Variants in PRIMPOL observed in about 807,000 individuals in gnomAD.
The protein encoded by PRIMPOL is DNA-directed primase/polymerase protein.
A neutral mutation model predicts 63.6 loss-of-function variants in PRIMPOL; 54 were observed. The observed-to-expected ratio is 0.85, with a 90% confidence interval of 0.68 to 1.07. PRIMPOL has a LOEUF of 1.07. Among genes scored for constraint, PRIMPOL ranks in the 50% least tolerant of loss-of-function variants. The probability of loss-of-function intolerance (pLI) is 0.00; values close to 1 mark genes in which losing one functional copy is unlikely to be tolerated. For missense variants in PRIMPOL, 610 were observed against 648.3 expected, an observed-to-expected ratio of 0.94 and a Z score of 0.64; for synonymous variants, 197 against 220.2, an observed-to-expected ratio of 0.89 and a Z score of 0.93.
At chr4:184,675,775 C>T (rs960216569) in intron 7 of PRIMPOL, among the ~76,000 whole-genome samples, 1 of 152,012 alleles carries the variant, frequency 6.6e-6, no homozygotes, top group Admixed American at 6.5e-5. Flanking sequence ...CGAGATCATA[C>T]CACTGCACTC....
chr4:184,672,440 A>G lies in PRIMPOL; in HGVS notation c.824A>G (p.Lys275Arg). ...GTTGTGAAGAATAACATGGGAGAGA[A>G]GCATCTTTTTGTAGATCTCGGTAAG... ...FLVVKNNMGEKHLFVDLGVYT... is the reference protein window; with the variant it reads ...FLVVKNNMGERHLFVDLGVYT... The change falls in exon 7 of 14, where the codon AAG becomes AGG. Residue 275 changes from lysine to arginine, a missense_variant. By Grantham distance (26) the Lys-to-Arg change is conservative (BLOSUM62 2). Around this residue, in one of 3 missense-constraint regions of PRIMPOL, gnomAD observed 444 missense variants for 456.4 expected, o/e 0.97. Transcript: ENST00000314970. The G allele has an allele frequency of 6.2e-7, 1 of 1,609,446 alleles. No individual in the cohort carries two copies. Among genetic ancestry groups the G allele is most frequent in the Non-Finnish European group, 8.5e-7 (1 of 1,178,370 alleles).
At chr4:184,672,772 AG>A in intron 7 of PRIMPOL, among the ~76,000 whole-genome samples, 1 of 152,216 alleles carries the variant, frequency 6.6e-6, no homozygotes, top group South Asian at 2.1e-4. Flanking sequence ...GACTGCTGAG[AG>A]GTTAAGTCAG....
At chr4:184,682,467 C>T (rs1755889084) in intron 9 of PRIMPOL, 131 bp downstream of exon 9, 1 of 542,472 alleles carries the variant, frequency 1.8e-6, no homozygotes, top group East Asian at 3.1e-5. Context: ...CCTGCCTCAG[C>T]CTCCGGAGTA....
intron 11 of PRIMPOL, 24 bp from the exon 12 acceptor site, chr4:184,691,473 CTT>C (rs35926668): frequency 0.11 from 124,084 of 1,138,666 alleles, 1 homozygote; most frequent in Middle Eastern, 0.12. Context: ...GGTATTAATA[CTT>C]TTTTTTTTTT....
intron 7 of PRIMPOL, among the ~76,000 whole-genome samples, chr4:184,677,488 TC>T (rs1239773360): frequency 1.3e-5 from 2 of 151,256 alleles, no homozygotes; most frequent in Admixed American, 6.6e-5. Context: ...GTTCTATTGA[TC>T]TATTCCTGTC....
In PRIMPOL at chr4:184,687,955, G is replaced by A. The variant is rs1264671798; in HGVS notation, c.1295+2271G>A. On this transcript the variant is annotated intron_variant, in intron 11 of 13. Coordinates refer to ENST00000314970, the MANE Select transcript of PRIMPOL (RefSeq NM_152683.4). ...GTTTTCTTTTGCTTGTTTTCGAATC[G>A]CATCCTCTCCCTTGCCTTGCGGTAG... Among the ~76,000 whole-genome samples, 5 of 152,118 alleles carry A rather than the reference G, an allele frequency of 3.3e-5. 1 individual carries two copies. The highest frequency in any genetic ancestry group is 1.3e-4 in the Admixed American group (2 of 15,272).
Position 184,661,781 on chromosome 4 carries a change from C to G in PRIMPOL, c.286C>G (p.Leu96Val), listed in dbSNP as rs746767722. Reference sequence around the variant, plus strand: ...TTGAATTATTCAATTTAGAAAAAATCTCTTACACTGCTATGAAGTTATTCC... The same window carrying G: ...TTGAATTATTCAATTTAGAAAAAATGTCTTACACTGCTATGAAGTTATTCC... ...FWFYYKSRKNLLHCYEVIPEN... is the reference protein window; with the variant it reads ...FWFYYKSRKNVLHCYEVIPEN... The change falls in exon 5 of 14, where the codon CTC (leucine) becomes GTC (valine). Residue 96 changes from leucine (L) to valine (V), a missense_variant. This residue lies in a region of PRIMPOL where 159 missense variants were observed against 168.9 expected (regional missense o/e 0.94). Coordinates refer to ENST00000314970, the MANE Select transcript of PRIMPOL (RefSeq NM_152683.4). 1 of 1,598,386 alleles carries G rather than the reference C, an allele frequency of 6.3e-7. No homozygotes were observed. The highest frequency in any genetic ancestry group is 8.5e-7 in the Non-Finnish European group (1 of 1,169,710).
At chr4:184,668,804 AG>A (rs752783408) in intron 6 of PRIMPOL, among the ~76,000 whole-genome samples, 18 of 152,026 alleles carry the variant, frequency 1.2e-4, no homozygotes, top group Non-Finnish European at 2.2e-4. Context: ...ATGTTTCTCT[AG>A]GGCAGGGACT....
intron 2 of PRIMPOL, among the ~76,000 whole-genome samples, chr4:184,653,277 G>C (rs929754157): frequency 1.3e-5 from 2 of 152,120 alleles, no homozygotes; most frequent in African/African-American, 4.8e-5. Context: ...GCTGGGCAAG[G>C]CTGGGCATAA....
chr4:184,656,485 A>C (rs908114025), intron 2 of PRIMPOL, among the ~76,000 whole-genome samples: 1 of 152,186 alleles, frequency 6.6e-6, no homozygotes, highest in Non-Finnish European at 1.5e-5. Context: ...CGTGGTTGAC[A>C]TGGAAGTATT....
At position 184,672,308 on chromosome 4, in the gene PRIMPOL, A is replaced by G; in HGVS notation, c.692A>G (p.Asn231Ser). Reference sequence around the variant, plus strand: ...CCTGCAAGACAAGGATTTTCTTTCAATAAAATGTTCACAGAAAAGGCTACA... The same window carrying G: ...CCTGCAAGACAAGGATTTTCTTTCAGTAAAATGTTCACAGAAAAGGCTACA... ...EAPARQGFSF[N>S]KMFTEKATEE... The change falls in exon 7 of 14, where the codon AAT becomes AGT. Residue 231 changes from asparagine to serine, a missense_variant. Around this residue, in one of 3 missense-constraint regions of PRIMPOL, gnomAD observed 444 missense variants for 456.4 expected, o/e 0.97. Transcript: ENST00000314970. The G allele has an allele frequency of 6.2e-7, 1 of 1,614,166 alleles. No homozygotes were observed. The highest frequency in any genetic ancestry group is 8.5e-7 in the Non-Finnish European group (1 of 1,180,034).
intron 13 of PRIMPOL, chr4:184,694,118 A>G (rs1759849102): frequency 1.8e-6 from 1 of 554,650 alleles, no homozygotes; most frequent in Non-Finnish European, 2.3e-6. Context: ...TTTTCAATCC[A>G]TGTTTACGAT....
intron 6 of PRIMPOL, 65 bp from the exon 7 acceptor site, chr4:184,672,108 G>C: frequency 1.4e-6 from 2 of 1,389,650 alleles, no homozygotes; most frequent in South Asian, 1.4e-5. Context: ...GTGGATTCCT[G>C]GCTAGACCTT....
intron 7 of PRIMPOL, 97 bp downstream of exon 7, chr4:184,672,557 T>C (rs1462433606): frequency 4.9e-6 from 6 of 1,231,224 alleles, no homozygotes; most frequent in Non-Finnish European, 5.7e-6. Flanking sequence ...GATTCTTGCT[T>C]CCTCCACTGC....
intron 8 of PRIMPOL, 77 bp from the exon 9 acceptor site, chr4:184,682,171 C>A: frequency 1.5e-6 from 1 of 688,876 alleles, no homozygotes; most frequent in South Asian, 1.9e-5. Flanking sequence ...ATTAGGAATT[C>A]AGTGTCCTTT....
intron 3 of PRIMPOL, among the ~76,000 whole-genome samples, chr4:184,657,861 C>T (rs530580590): frequency 1.3e-5 from 2 of 152,096 alleles, no homozygotes; most frequent in East Asian, 1.9e-4. Flanking sequence ...GGTGTGGTGG[C>T]GTATGCCTGT....
chr4:184,683,915 A>G (rs1756323198), intron 9 of PRIMPOL, among the ~76,000 whole-genome samples: 1 of 151,276 alleles, frequency 6.6e-6, no homozygotes, highest in Non-Finnish European at 1.5e-5. Context: ...GAAAACACCC[A>G]TTTGTGATGT....
chr4:184,689,676 G>T (rs1307933842), intron 11 of PRIMPOL, among the ~76,000 whole-genome samples: 2 of 151,706 alleles, frequency 1.3e-5, no homozygotes, highest in Admixed American at 6.6e-5. Context: ...GGCTGGTCTC[G>T]AACTCCTGAC....
chr4:184,690,098 G>A (rs1271941510), intron 11 of PRIMPOL, among the ~76,000 whole-genome samples: 1 of 152,074 alleles, frequency 6.6e-6, no homozygotes, highest in Non-Finnish European at 1.5e-5. Flanking sequence ...CTACTGCCAT[G>A]GGGAGTGTTA....
Sources: gnomAD v4.1 joint callset for allele counts (sites outside exome capture counted in the v4.1 genomes callset) on GRCh38, gnomAD v4.1.1 for gene constraint, gnomAD v4.1.1 regional missense constraint, MANE v1.5 for transcripts, NCBI Gene and HGNC (gene_info 2026-07-23, HGNC 2026-07-21) for gene names.